Variants in EVI5 observed in about 807,000 individuals in gnomAD.
EVI5 encodes the protein ecotropic viral integration site 5.
A neutral mutation model predicts 112.0 loss-of-function variants in EVI5; 73 were observed. That is an observed-to-expected ratio of 0.65 (90% CI 0.54 to 0.79). The LOEUF is 0.79. EVI5 is among the 30% of genes least tolerant of loss of function. EVI5 has a pLI of 0.00. For synonymous variants in EVI5, 305 were observed against 319.9 expected, an observed-to-expected ratio of 0.95 and a Z score of 0.50; for missense variants, 900 against 968.8, an observed-to-expected ratio of 0.93 and a Z score of 0.94.
chr1:92,561,258 T>TAGGGGA (rs772183949), intron 19 of EVI5, among the ~76,000 whole-genome samples: 4 of 152,154 alleles, frequency 2.6e-5, no homozygotes, highest in Non-Finnish European at 4.4e-5. Context: ...TGTAGTTTAT[T>TAGGGGA]ATTTTGTAGC....
At position 92,724,487 on chromosome 1, in the gene EVI5, T is replaced by C. The variant is rs117694117; in HGVS notation, c.149+11911A>G. On this transcript the variant is annotated intron_variant, in intron 2 of 19. Transcript: ENST00000684568. ...TGAAACCAAAAAATATTGAACAAAATACATTAAATTATATCGAACAATGAT... is the reference window on the plus strand; with the variant it reads ...TGAAACCAAAAAATATTGAACAAAACACATTAAATTATATCGAACAATGAT... Among the ~76,000 whole-genome samples, 5 of 152,180 alleles carry C rather than the reference T, an allele frequency of 3.3e-5. No individual in the cohort carries two copies. The East Asian group carries it at 7.7e-4, about 24-fold the overall frequency.
chr1:92,594,564 A>T (rs1261170702), intron 18 of EVI5, among the ~76,000 whole-genome samples: 2 of 150,918 alleles, frequency 1.3e-5, no homozygotes, highest in African/African-American at 4.9e-5. Context: ...AAATTGACAA[A>T]TGGGATCTAA....
At chr1:92,585,726 C>G (rs1672672698) in intron 18 of EVI5, among the ~76,000 whole-genome samples, 3 of 152,146 alleles carry the variant, frequency 2.0e-5, no homozygotes, top group Admixed American at 2.0e-4. Context: ...ACATACCCTC[C>G]CACAGTTTCC....
rs1302132451 is a variant in EVI5, at chr1:92,760,472, T to C, written c.-81-23845A>G. 2.0e-5 allele frequency among the ~76,000 whole-genome samples: 3 copies of C among 152,046 alleles called. No homozygotes were observed. The East Asian group carries it at 5.8e-4, about 29-fold the overall frequency. On this transcript the variant is annotated intron_variant, in intron 1 of 19. Transcript: ENST00000684568. ...AGAAGCGGGGCACAGTGGCTCATGC[T>C]TGTAATCCCAGCACACTGGGAGGCT...
At chr1:92,786,845 CA>C (rs753237487), upstream of EVI5, among the ~76,000 whole-genome samples, 2 of 152,204 alleles carry the variant, frequency 1.3e-5, no homozygotes, top group African/African-American at 2.4e-5. Context: ...AGACCAATTC[CA>C]CCCTGCTGTC....
intron 19 of EVI5, among the ~76,000 whole-genome samples, chr1:92,562,273 T>C (rs1305916915): frequency 6.6e-6 from 1 of 152,186 alleles, no homozygotes; most frequent in African/African-American, 2.4e-5. Context: ...CTCATGCCTG[T>C]AATCCCAGCA....
chr1:92,602,404 A>T (rs77749108), intron 18 of EVI5, among the ~76,000 whole-genome samples: 3 of 151,766 alleles, frequency 2.0e-5, no homozygotes, highest in South Asian at 2.1e-4. Flanking sequence ...TATTAAAAAA[A>T]TTTTTTTTTG....
At chr1:92,787,737 CT>C (rs1335418447), upstream of EVI5, among the ~76,000 whole-genome samples, 10 of 146,360 alleles carry the variant, frequency 6.8e-5, no homozygotes, top group Non-Finnish European at 1.3e-4. Flanking sequence ...AAGATCTTGT[CT>C]CAAAAAAAAA....
At position 92,671,672 on chromosome 1, in the gene EVI5, ATT is replaced by A. The variant is rs1454786569; in HGVS notation, c.1158+5484_1158+5485del. Among the ~76,000 whole-genome samples, 4 of 152,158 alleles carry A rather than the reference ATT, an allele frequency of 2.6e-5. No homozygotes were observed. The East Asian group carries it at 7.7e-4, about 29-fold the overall frequency. ...TCCCATCTCAGGTAATGGGAACACC[ATT>A]TATCTACCTGCTCAGACCACAAGGC... On this transcript the variant is annotated intron_variant, in intron 10 of 19. Coordinates refer to ENST00000684568, the MANE Select transcript of EVI5 (RefSeq NM_001350197.2).
intron 16 of EVI5, among the ~76,000 whole-genome samples, chr1:92,616,789 TGACTATGGGTCATCAAGTCACCACGC>T (rs1266621666): frequency 6.6e-6 from 1 of 152,124 alleles, no homozygotes; most frequent in Non-Finnish European, 1.5e-5. Context: ...AGTCATGAAG[TGACTATGGGTCATCAAGTCACCACGC>T]GACCTGAACT....
intron 16 of EVI5, among the ~76,000 whole-genome samples, chr1:92,610,480 T>C (rs1423174440): frequency 6.6e-6 from 1 of 152,162 alleles, no homozygotes; most frequent in African/African-American, 2.4e-5. Context: ...AGAAAAAATA[T>C]ATTTTAAGAA....
intron 1 of EVI5, among the ~76,000 whole-genome samples, chr1:92,741,495 T>C (rs1025700322): frequency 2.0e-5 from 3 of 152,142 alleles, no homozygotes; most frequent in Non-Finnish European, 4.4e-5. Flanking sequence ...TCCAAAAGGA[T>C]AGTCAGGATA....
At chr1:92,677,596 T>C (rs907565529) in intron 9 of EVI5, among the ~76,000 whole-genome samples, 9 of 152,128 alleles carry the variant, frequency 5.9e-5, no homozygotes, top group African/African-American at 1.9e-4. Context: ...GGTACCAACA[T>C]TGACTTTGAA....
At chr1:92,619,170 AT>A (rs1324234280) in intron 16 of EVI5, among the ~76,000 whole-genome samples, 1 of 152,130 alleles carries the variant, frequency 6.6e-6, no homozygotes, top group African/African-American at 2.4e-5. Context: ...AGAGATTAAC[AT>A]TTGAGTCAGT....
chr1:92,790,525 GT>G (rs80086643), intron 1 of EVI5, among the ~76,000 whole-genome samples: 76 of 143,820 alleles, frequency 5.3e-4, no homozygotes, highest in East Asian at 3.8e-3. Flanking sequence ...TTTTTTTTTG[GT>G]TTTTTTTTTT....
At chr1:92,517,378 G>C (rs1329537446) in intron 19 of EVI5, among the ~76,000 whole-genome samples, 1 of 152,138 alleles carries the variant, frequency 6.6e-6, no homozygotes, top group Non-Finnish European at 1.5e-5. Context: ...CATGGATTTT[G>C]GTATCCATAG....
intron 19 of EVI5, among the ~76,000 whole-genome samples, chr1:92,540,995 C>T (rs1000229693): frequency 6.6e-6 from 1 of 152,008 alleles, no homozygotes; most frequent in African/African-American, 2.4e-5. Context: ...AATTGCTTGG[C>T]CCCGGGAGGC....
rs749699952 is a variant in EVI5 at position 92,736,546 on chromosome 1, TCTGA to T, written c.-4_-1del. 4 of 1,614,058 alleles carry T rather than the reference TCTGA, an allele frequency of 2.5e-6. No individual in the cohort carries two copies. The highest frequency in any genetic ancestry group is 3.4e-6 in the Non-Finnish European group (4 of 1,179,930). On this transcript the variant is annotated 5_prime_UTR_variant, in exon 2 of 20. Transcript: ENST00000684568. ...GATGGACTTGCCACCTGACTGGCCA[TCTGA>T]CTGACTGTATGCGATACTGTGTTCT...
In EVI5 at chr1:92,636,183, A is replaced by T. The variant is rs1572037078; in HGVS notation, c.1527+19T>A. 6.3e-6 allele frequency: 10 copies of T among 1,599,386 alleles called. No homozygotes were observed. The East Asian group carries it at 2.2e-4, about 36-fold the overall frequency. On this transcript the variant is annotated intron_variant, in intron 14 of 19. Transcript: ENST00000684568. Reference sequence around the variant, plus strand: ...TCCCCTCTAATTTGGGAATGACTGCATTTGTGTAGGTTTCTTACCTTCTCT... The same window carrying T: ...TCCCCTCTAATTTGGGAATGACTGCTTTTGTGTAGGTTTCTTACCTTCTCT...
Sources: gnomAD v4.1 joint callset for allele counts (sites outside exome capture counted in the v4.1 genomes callset) on GRCh38, gnomAD v4.1.1 for gene constraint, MANE v1.5 for transcripts, NCBI Gene and HGNC (gene_info 2026-07-23, HGNC 2026-07-21) for gene names.